CSTPP1: variants seen among roughly 807,000 people sequenced by gnomAD.
The protein encoded by CSTPP1 is UPF0705 protein C11orf49.
the CSTPP1 span, among the ~76,000 whole-genome samples, chr11:47,127,934 T>C: frequency 6.6e-6 from 1 of 152,018 alleles, no homozygotes; most frequent in Non-Finnish European, 1.5e-5. Flanking sequence ...TGGAGTGCAG[T>C]GGTGTGATCT....
At chr11:47,046,962 T>C in the CSTPP1 span, among the ~76,000 whole-genome samples, 1 of 150,664 alleles carries the variant, frequency 6.6e-6, no homozygotes, top group African/African-American at 2.4e-5. Context: ...GTGCAGTGGC[T>C]CAATCTCAGC....
the CSTPP1 span, among the ~76,000 whole-genome samples, chr11:47,109,690 G>A: frequency 6.6e-6 from 1 of 152,138 alleles, no homozygotes; most frequent in African/African-American, 2.4e-5. Context: ...AGTGAAATGG[G>A]GCAGCCTGGG....
At chr11:47,025,060 C>G in the CSTPP1 span, among the ~76,000 whole-genome samples, 2 of 152,042 alleles carry the variant, frequency 1.3e-5, no homozygotes. Flanking sequence ...CTATAGTGCC[C>G]TTATTTTAGG....
the CSTPP1 span, among the ~76,000 whole-genome samples, chr11:47,103,252 T>C: frequency 9.2e-5 from 14 of 151,694 alleles, no homozygotes; most frequent in African/African-American, 3.4e-4. Context: ...ACAAAAAAAT[T>C]ATCCTGGTGT....
the CSTPP1 span, chr11:47,052,586 T>G: frequency 1.3e-6 from 2 of 1,546,190 alleles, no homozygotes; most frequent in Non-Finnish European, 1.8e-6. Flanking sequence ...TTCCTTCCTC[T>G]CTCTCTCTTT....
At chr11:47,068,001 A>C in the CSTPP1 span, among the ~76,000 whole-genome samples, 1 of 152,176 alleles carries the variant, frequency 6.6e-6, no homozygotes, top group Non-Finnish European at 1.5e-5. Flanking sequence ...AGTTTAAGGT[A>C]GAAATAATGG....
the CSTPP1 span, among the ~76,000 whole-genome samples, chr11:47,102,989 G>GA: frequency 0.66 from 79,134 of 120,506 alleles, 27,141 homozygotes; most frequent in African/African-American, 0.71. Flanking sequence ...GTGCCTCACA[G>GA]AAAAAAAAAA....
chr11:46,970,402 T>TAATA, the CSTPP1 span, among the ~76,000 whole-genome samples: 1,829 of 150,148 alleles, frequency 0.012, 21 homozygotes, highest in African/African-American at 0.03. Context: ...TTTATAATAA[T>TAATA]AATAAATAAA....
the CSTPP1 span, among the ~76,000 whole-genome samples, chr11:47,098,594 C>G: frequency 6.6e-6 from 1 of 151,572 alleles, no homozygotes; most frequent in Non-Finnish European, 1.5e-5. Context: ...CAGCCTCTGC[C>G]TCTTGGGTTC....
chr11:47,056,340 C>G, the CSTPP1 span, among the ~76,000 whole-genome samples: 2 of 152,188 alleles, frequency 1.3e-5, no homozygotes, highest in Non-Finnish European at 2.9e-5. Flanking sequence ...ATGGAGATAA[C>G]TATGGAAAAC....
the CSTPP1 span, among the ~76,000 whole-genome samples, chr11:47,014,154 T>C: frequency 1.3e-5 from 2 of 150,616 alleles, no homozygotes; most frequent in African/African-American, 4.9e-5. Flanking sequence ...GAGTATGCCA[T>C]TGTACTCCAG....
the CSTPP1 span, among the ~76,000 whole-genome samples, chr11:47,027,087 C>T: frequency 1.1e-4 from 17 of 152,226 alleles, no homozygotes; most frequent in African/African-American, 2.6e-4. Context: ...TCCCAGTGCT[C>T]GGCGCATTGA....
At chr11:47,114,674 T>C in the CSTPP1 span, among the ~76,000 whole-genome samples, 1 of 152,236 alleles carries the variant, frequency 6.6e-6, no homozygotes, top group Non-Finnish European at 1.5e-5. Flanking sequence ...TTTTTGCACA[T>C]TGATTTTGTA....
At chr11:46,998,448 T>C in the CSTPP1 span, among the ~76,000 whole-genome samples, 1 of 152,196 alleles carries the variant, frequency 6.6e-6, no homozygotes, top group African/African-American at 2.4e-5. Context: ...AAGCTGAAAT[T>C]TACATAATAT....
chr11:46,987,509 A>G, the CSTPP1 span: 1 of 545,382 alleles, frequency 1.8e-6, no homozygotes, highest in Non-Finnish European at 3.3e-6. Context: ...GTGATGTCTC[A>G]TGAATAGTTT....
At chr11:46,998,841 T>G in the CSTPP1 span, among the ~76,000 whole-genome samples, 1 of 152,146 alleles carries the variant, frequency 6.6e-6, no homozygotes, top group African/African-American at 2.4e-5. Context: ...GTTCACGACA[T>G]TCTCCCGCCT....
the CSTPP1 span, among the ~76,000 whole-genome samples, chr11:46,948,797 G>A: frequency 6.6e-6 from 1 of 152,144 alleles, no homozygotes; most frequent in African/African-American, 2.4e-5. Flanking sequence ...TTCATAAACA[G>A]TGAACACATG....
the CSTPP1 span, chr11:46,936,689 AC>A: frequency 6.6e-7 from 1 of 1,503,962 alleles, no homozygotes; most frequent in Non-Finnish European, 8.9e-7. Flanking sequence ...TTTGTGTGAC[AC>A]CTCCTCCAGC....
chr11:47,113,107 T>G, the CSTPP1 span, among the ~76,000 whole-genome samples: 1 of 152,218 alleles, frequency 6.6e-6, no homozygotes, highest in Non-Finnish European at 1.5e-5. Flanking sequence ...TTTCTGTCCT[T>G]GTGACAGTTT....
Sources: gnomAD v4.1 joint callset for allele counts (sites outside exome capture counted in the v4.1 genomes callset) on GRCh38, gnomAD v4.1.1 for gene constraint, MANE v1.5 for transcripts, NCBI Gene and HGNC (gene_info 2026-07-23, HGNC 2026-07-21) for gene names.